The following COL4A4 variants were observed in gnomAD, a reference collection of about 807,000 sequenced individuals.
COL4A4 encodes collagen alpha-4(IV) chain.
Under a neutral mutation model 192.9 loss-of-function variants are expected in COL4A4, and 105 were observed. The ratio of observed to expected loss-of-function variants is 0.54; its 90% CI spans 0.46 to 0.64. The LOEUF is 0.64. Among genes scored for constraint, COL4A4 ranks in the 30% least tolerant of loss-of-function variants. COL4A4 has a pLI of 0.00. For synonymous variants in COL4A4, 762 were observed against 769.9 expected, an observed-to-expected ratio of 0.99 and a Z score of 0.17; for missense variants, 1,967 against 2,169.3, an observed-to-expected ratio of 0.91 and a Z score of 1.85.
At chr2:226,974,090 T>G in the COL4A4 span, among the ~76,000 whole-genome samples, 5 of 152,156 alleles carry the variant, frequency 3.3e-5, no homozygotes, top group Non-Finnish European at 7.3e-5. Context: ...CTGCGATTCC[T>G]TTTTGCACAG....
the COL4A4 span, among the ~76,000 whole-genome samples, chr2:226,989,407 TGTG>T: frequency 6.6e-6 from 1 of 152,130 alleles, no homozygotes; most frequent in African/African-American, 2.4e-5. Flanking sequence ...GAAGGGGGCT[TGTG>T]GTGGCTTATA....
Position 227,104,097 on chromosome 2 carries a change from G to A in COL4A4, c.736-45C>T, listed in dbSNP as rs769516036. On this transcript the variant is annotated intron_variant, in intron 12 of 47. Coordinates refer to ENST00000396625, the MANE Select transcript of COL4A4 (RefSeq NM_000092.5). ...TAATGAAAATTTCATATTAATTTAT[G>A]TTTTGAAGGTTTTCACCCATGTATT... The A allele has an allele frequency of 3.3e-6, 5 of 1,528,736 alleles. No individual in the cohort carries two copies. The South Asian group carries it at 5.6e-5, about 17-fold the overall frequency. The allele number at this position is 1,528,736 out of a possible 1,614,324, so 94.7% of individuals were successfully genotyped here.
intron 4 of COL4A4, among the ~76,000 whole-genome samples, chr2:227,130,678 C>G (rs2125153733): frequency 1.3e-5 from 2 of 152,344 alleles, no homozygotes; most frequent in Admixed American, 1.3e-4. Context: ...CCGTGTCCCT[C>G]CCTAACCCAG....
chr2:227,002,411 A>T (rs1387390733), downstream of COL4A4, among the ~76,000 whole-genome samples: 1 of 152,210 alleles, frequency 6.6e-6, no homozygotes, highest in Non-Finnish European at 1.5e-5. Flanking sequence ...CACTCAACTA[A>T]TGAGACAGCT....
At chr2:227,140,015 T>A in intron 4 of COL4A4, 146 bp downstream of exon 4, 1 of 716,294 alleles carries the variant, frequency 1.4e-6, no homozygotes, top group East Asian at 2.7e-5. Flanking sequence ...GAGATTGCTA[T>A]TAGAATGTGA....
chr2:227,110,571 C>T (rs540343288), intron 9 of COL4A4, among the ~76,000 whole-genome samples: 13 of 151,724 alleles, frequency 8.6e-5, no homozygotes, highest in African/African-American at 2.7e-4. Flanking sequence ...TTAGTAGAGA[C>T]GGGGTTTCAC....
intron 4 of COL4A4, among the ~76,000 whole-genome samples, chr2:227,137,133 C>A (rs1450288045): frequency 6.6e-6 from 1 of 152,218 alleles, no homozygotes; most frequent in African/African-American, 2.4e-5. Context: ...AAGACACACA[C>A]AGCAGAGTGC....
chr2:227,088,700 T>C lies in COL4A4; in HGVS notation c.1576A>G (p.Lys526Glu). 1.9e-6 allele frequency: 3 copies of C among 1,614,090 alleles called. No homozygotes were observed. The highest frequency in any genetic ancestry group is 1.1e-5 in the South Asian group (1 of 91,082). Residue 526 changes from lysine (K) to glutamate (E), a missense_variant, in exon 22 of 48, where the codon AAA becomes GAA. By Grantham distance (56) the Lys-to-Glu change is moderately conservative. Transcript: ENST00000396625. ...GCACCAGGAGGTCCTGGGTCACCTT[T>C]TGTTCCAAGCCAGCCAGGGAGCCCC... ...DLGLPGWLGTKGDPGPPGAEG... is the reference protein window; with the variant it reads ...DLGLPGWLGTEGDPGPPGAEG...
Position 227,043,552 on chromosome 2 carries a change from A to C in COL4A4, c.3290-368T>G, listed in dbSNP as rs115754051. Among the ~76,000 whole-genome samples, 896 of 152,272 alleles carry C rather than the reference A, an allele frequency of 5.9e-3. 10 individuals are homozygous for C. The highest frequency in any genetic ancestry group is 0.02 in the African/African-American group (844 of 41,554). ...TTAATTAAATTAACTAATTCAATTT[A>C]TTTTACTATTGGCCATTTAAGTTAT... is the stretch of plus-strand genomic sequence containing the variant. On this transcript the variant is annotated intron_variant, in intron 35 of 47. Transcript: ENST00000396625.
the COL4A4 span, among the ~76,000 whole-genome samples, chr2:226,978,099 T>G: frequency 6.6e-6 from 1 of 152,244 alleles, no homozygotes; most frequent in Non-Finnish European, 1.5e-5. Flanking sequence ...GAGATAATTA[T>G]CTGAAAACAG....
downstream of COL4A4, chr2:226,997,734 C>T (rs965733148): frequency 1.8e-4 from 28 of 152,228 alleles, no homozygotes; most frequent in Admixed American, 1.4e-3. Context: ...AATTGTGATA[C>T]GCATGGCTGT....
chr2:227,075,513 C>A (rs1485929186), intron 25 of COL4A4, among the ~76,000 whole-genome samples: 1 of 152,122 alleles, frequency 6.6e-6, no homozygotes, highest in Admixed American at 6.5e-5. Flanking sequence ...CTATTTATGA[C>A]AAACCCATAG....
intron 20 of COL4A4, 72 bp from the exon 21 acceptor site, chr2:227,090,029 A>C (rs1445064909): frequency 1.6e-6 from 2 of 1,213,046 alleles, no homozygotes; most frequent in African/African-American, 3.0e-5. Flanking sequence ...AGAATAAGTG[A>C]CTTTTGCACT....
intron 4 of COL4A4, among the ~76,000 whole-genome samples, chr2:227,122,869 TA>T (rs1413582306): frequency 1.4e-4 from 21 of 151,446 alleles, no homozygotes; most frequent in African/African-American, 5.1e-4. Flanking sequence ...TATTTATTAT[TA>T]TTATTTTTTT....
At chr2:227,015,570 C>G (rs1166715872) in intron 44 of COL4A4, among the ~76,000 whole-genome samples, 1 of 152,120 alleles carries the variant, frequency 6.6e-6, no homozygotes, top group Admixed American at 6.5e-5. Flanking sequence ...CCCACATTAC[C>G]CCTTATTAAC....
Position 227,005,187 on chromosome 2 carries a change from A to C in COL4A4, c.*2138T>G, listed in dbSNP as rs1368526631. On this transcript the variant is annotated 3_prime_UTR_variant, in exon 48 of 48. Transcript: ENST00000396625. ...GTGGAGTAAACTGTCTACATAATTT[A>C]GCCTGTCTTTGTGTGGGTTTTTTTT... The C allele has an allele frequency of 6.7e-6, 1 of 148,318 alleles. No individual in the cohort carries two copies. The highest frequency in any genetic ancestry group is 6.8e-5 in the Admixed American group (1 of 14,622). The allele number at this position is 148,318 out of a possible 1,614,324, so 9.2% of individuals were successfully genotyped here. A position where few individuals can be genotyped will look rare whatever the true frequency, so the allele number is the denominator to read the frequency against.
intron 25 of COL4A4, among the ~76,000 whole-genome samples, chr2:227,068,702 T>G (rs1255010252): frequency 6.6e-6 from 1 of 151,538 alleles, no homozygotes; most frequent in Admixed American, 6.6e-5. Flanking sequence ...AATTAGGTAT[T>G]GATGGGACAT....
intron 37 of COL4A4, among the ~76,000 whole-genome samples, chr2:227,040,675 C>T (rs1970604889): frequency 1.3e-5 from 2 of 151,594 alleles, no homozygotes; most frequent in South Asian, 4.2e-4. Context: ...AAGCAATTCT[C>T]CTGCCTCAGC....
intron 22 of COL4A4, among the ~76,000 whole-genome samples, chr2:227,086,325 G>C (rs115164882): frequency 1.3e-5 from 2 of 152,096 alleles, no homozygotes; most frequent in East Asian, 1.9e-4. Flanking sequence ...CCCCAAGAGC[G>C]AGAGCACCCC....
Sources: gnomAD v4.1 joint callset for allele counts (sites outside exome capture counted in the v4.1 genomes callset) on GRCh38, gnomAD v4.1.1 for gene constraint, MANE v1.5 for transcripts, NCBI Gene and HGNC (gene_info 2026-07-23, HGNC 2026-07-21) for gene names.